Variants in PABPC4L observed in about 807,000 individuals in gnomAD.
PABPC4L encodes poly(A) binding protein cytoplasmic 4 like, also known as polyadenylate-binding protein 4-like.
For missense variants in PABPC4L, 452 were observed against 451.4 expected, an observed-to-expected ratio of 1.00 and a Z score of -0.01; for synonymous variants, 169 against 164.1, an observed-to-expected ratio of 1.03 and a Z score of -0.23.
chr4:134,013,862 G>C, the PABPC4L span, among the ~76,000 whole-genome samples: 2 of 151,638 alleles, frequency 1.3e-5, no homozygotes, highest in East Asian at 2.0e-4. Context: ...TCTTCCTCAG[G>C]CTCCACTCCT....
At chr4:134,140,336 C>T in the PABPC4L span, among the ~76,000 whole-genome samples, 1 of 151,556 alleles carries the variant, frequency 6.6e-6, no homozygotes, top group Admixed American at 6.6e-5. Flanking sequence ...TGATGTATAC[C>T]TTAAATATAT....
chr4:134,161,412 G>T, the PABPC4L span, among the ~76,000 whole-genome samples: 1 of 151,860 alleles, frequency 6.6e-6, no homozygotes, highest in Non-Finnish European at 1.5e-5. Flanking sequence ...GATAAACAAA[G>T]AATCCTAATA....
At chr4:133,987,849 G>A in the PABPC4L span, among the ~76,000 whole-genome samples, 2 of 152,286 alleles carry the variant, frequency 1.3e-5, no homozygotes, top group South Asian at 2.1e-4. Flanking sequence ...AGAAATACCT[G>A]AGTCTGAGTA....
At chr4:134,185,197 G>A in the PABPC4L span, among the ~76,000 whole-genome samples, 1 of 151,704 alleles carries the variant, frequency 6.6e-6, no homozygotes, top group South Asian at 2.1e-4. Flanking sequence ...TGTCTTTGGT[G>A]TGGTATCTAA....
chr4:134,123,731 T>C, the PABPC4L span, among the ~76,000 whole-genome samples: 1 of 151,976 alleles, frequency 6.6e-6, no homozygotes, highest in African/African-American at 2.4e-5. Flanking sequence ...TAAATCATTA[T>C]GATAATTTTA....
At chr4:134,010,396 A>T in the PABPC4L span, among the ~76,000 whole-genome samples, 1 of 152,132 alleles carries the variant, frequency 6.6e-6, no homozygotes, top group Admixed American at 6.6e-5. Flanking sequence ...TGGCATTTTT[A>T]TTTTGAACAT....
chr4:134,049,144 C>T, the PABPC4L span, among the ~76,000 whole-genome samples: 5 of 152,000 alleles, frequency 3.3e-5, no homozygotes, highest in Non-Finnish European at 5.9e-5. Context: ...TGACAAGATA[C>T]TTATTAATGC....
the PABPC4L span, among the ~76,000 whole-genome samples, chr4:134,112,526 A>C: frequency 6.6e-6 from 1 of 151,870 alleles, no homozygotes; most frequent in Non-Finnish European, 1.5e-5. Context: ...TGTTACTGCA[A>C]AAAACAACTG....
chr4:134,089,287 G>T, the PABPC4L span, among the ~76,000 whole-genome samples: 222 of 152,106 alleles, frequency 1.5e-3, 1 homozygote, highest in African/African-American at 4.9e-3. Flanking sequence ...ATATTGAACA[G>T]AAGTTACAAT....
the PABPC4L span, among the ~76,000 whole-genome samples, chr4:133,994,744 T>C: frequency 4.6e-5 from 7 of 152,160 alleles, no homozygotes; most frequent in East Asian, 1.9e-4. Context: ...TCCCTGGGCA[T>C]TGGGGACCCA....
chr4:134,086,087 G>A, the PABPC4L span, among the ~76,000 whole-genome samples: 1 of 151,876 alleles, frequency 6.6e-6, no homozygotes, highest in African/African-American at 2.4e-5. Context: ...CTTTTTTACA[G>A]TGTCATGAAT....
chr4:134,188,593 T>C, the PABPC4L span, among the ~76,000 whole-genome samples: 2 of 152,074 alleles, frequency 1.3e-5, no homozygotes, highest in Admixed American at 6.6e-5. Context: ...GATGGAGAAG[T>C]TGTTGTTTGT....
the PABPC4L span, among the ~76,000 whole-genome samples, chr4:134,166,592 G>T: frequency 6.6e-6 from 1 of 152,148 alleles, no homozygotes; most frequent in Non-Finnish European, 1.5e-5. Flanking sequence ...GGGTTACAGG[G>T]TCTACTTTCT....
the PABPC4L span, among the ~76,000 whole-genome samples, chr4:134,080,653 T>C: frequency 6.6e-6 from 1 of 152,178 alleles, no homozygotes; most frequent in African/African-American, 2.4e-5. Context: ...ATCATTTTTA[T>C]GTATCCACAG....
chr4:134,039,698 G>A, the PABPC4L span, among the ~76,000 whole-genome samples: 1 of 151,792 alleles, frequency 6.6e-6, no homozygotes, highest in Admixed American at 6.6e-5. Context: ...ATCCCTTTAT[G>A]TTGAGCCTAT....
the PABPC4L span, among the ~76,000 whole-genome samples, chr4:134,150,951 T>C: frequency 6.6e-6 from 1 of 152,066 alleles, no homozygotes; most frequent in African/African-American, 2.4e-5. Flanking sequence ...GATACAGCCA[T>C]GAAAATACAT....
the PABPC4L span, among the ~76,000 whole-genome samples, chr4:134,156,448 G>T: frequency 3.3e-5 from 5 of 151,720 alleles, no homozygotes; most frequent in African/African-American, 1.2e-4. Flanking sequence ...GCTCTCCAAG[G>T]ATATTCAGCA....
downstream of PABPC4L, among the ~76,000 whole-genome samples, chr4:134,192,097 A>G (rs1386556345): frequency 6.6e-6 from 1 of 152,126 alleles, no homozygotes; most frequent in Non-Finnish European, 1.5e-5. Context: ...TATTCATTAC[A>G]GCCAGAGTAG....
chr4:133,984,042 T>C, the PABPC4L span, among the ~76,000 whole-genome samples: 1 of 151,960 alleles, frequency 6.6e-6, no homozygotes, highest in Non-Finnish European at 1.5e-5. Context: ...CCACTGAAAG[T>C]AAAATTTTAG....
Sources: gnomAD v4.1 joint callset for allele counts (sites outside exome capture counted in the v4.1 genomes callset) on GRCh38, gnomAD v4.1.1 for gene constraint, MANE v1.5 for transcripts, NCBI Gene and HGNC (gene_info 2026-07-23, HGNC 2026-07-21) for gene names.